SGCZ: variants seen among roughly 807,000 people sequenced by gnomAD.
SGCZ encodes zeta-sarcoglycan.
SGCZ carries 40 observed loss-of-function variants against 41.3 expected under a neutral mutation model. The ratio of observed to expected loss-of-function variants is 0.97; its 90% CI spans 0.75 to 1.26. SGCZ has a LOEUF of 1.26. SGCZ is among the 50% of genes most tolerant of loss of function. SGCZ has a pLI of 0.00. For synonymous variants in SGCZ, 206 were observed against 137.5 expected (o/e 1.50, Z -3.49); for missense variants, 552 against 369.8 (o/e 1.49, Z -4.04).
At chr8:14,215,377 A>T (rs1805958378) in intron 4 of SGCZ, among the ~76,000 whole-genome samples, 1 of 152,170 alleles carries the variant, frequency 6.6e-6, no homozygotes. Context: ...AAGCAGTGAT[A>T]ACAGACAAAC....
At chr8:14,819,303 T>C (rs4831651) in intron 1 of SGCZ, among the ~76,000 whole-genome samples, 38,680 of 152,002 alleles carry the variant, frequency 0.25, 5,976 homozygotes, top group East Asian at 0.58. Context: ...TTAACTTGTC[T>C]GGGAAGGTCT....
chr8:14,646,699 T>C (rs1315083173), intron 1 of SGCZ, among the ~76,000 whole-genome samples: 4 of 151,988 alleles, frequency 2.6e-5, no homozygotes, highest in African/African-American at 9.7e-5. Flanking sequence ...TAAAAGTTGG[T>C]CTTTGGAAAA....
intron 1 of SGCZ, among the ~76,000 whole-genome samples, chr8:14,681,184 C>G (rs1808435006): frequency 6.6e-6 from 1 of 151,968 alleles, no homozygotes; most frequent in South Asian, 2.1e-4. Flanking sequence ...TAAAATATAT[C>G]ACAATTTCTG....
At chr8:14,756,625 C>T (rs894259) in intron 1 of SGCZ, among the ~76,000 whole-genome samples, 1 of 152,154 alleles carries the variant, frequency 6.6e-6, no homozygotes, top group African/African-American at 2.4e-5. Flanking sequence ...ACATAACAGG[C>T]GTGCTTCTAA....
chr8:14,312,480 A>G (rs1317213079), intron 3 of SGCZ, among the ~76,000 whole-genome samples: 1 of 152,252 alleles, frequency 6.6e-6, no homozygotes, highest in African/African-American at 2.4e-5. Context: ...TATAAGAAAT[A>G]ATACTGTTGG....
intron 3 of SGCZ, among the ~76,000 whole-genome samples, chr8:14,321,696 C>A (rs1298940602): frequency 6.6e-6 from 1 of 152,088 alleles, no homozygotes; most frequent in Non-Finnish European, 1.5e-5. Context: ...CTCAGCTTCA[C>A]TGAATCTTCC....
chr8:14,725,997 G>A (rs1257213824), intron 1 of SGCZ, among the ~76,000 whole-genome samples: 4 of 151,690 alleles, frequency 2.6e-5, no homozygotes, highest in Non-Finnish European at 5.9e-5. Flanking sequence ...CCAGGCTCAC[G>A]CCTGTAATCC....
At position 15,170,369 on chromosome 8, in the gene SGCZ, A is replaced by AGC. The variant is rs1799791433; in HGVS notation, c.39+67215_39+67216insGC. On this transcript the variant is annotated intron_variant, in intron 1 of 7. Transcript: ENST00000382080. ...ACTTCCTCTTCCCCAAAGATATAAA[A>AGC]AAAAAAGGAAAAAGCACAATTTCCC... Among the ~76,000 whole-genome samples the AGC allele has an allele frequency of 3.9e-5, 6 of 152,196 alleles. No individual in the cohort carries two copies. The South Asian group carries it at 8.3e-4, about 21-fold the overall frequency.
intron 3 of SGCZ, among the ~76,000 whole-genome samples, chr8:14,322,203 G>C (rs567508220): frequency 2.9e-4 from 44 of 152,154 alleles, no homozygotes; most frequent in Admixed American, 1.2e-3. Flanking sequence ...TTCTGTTCTT[G>C]CACCAGATTT....
chr8:14,795,677 A>T (rs967777374), intron 1 of SGCZ, among the ~76,000 whole-genome samples: 18 of 152,118 alleles, frequency 1.2e-4, no homozygotes, highest in Non-Finnish European at 2.2e-4. Flanking sequence ...TTATTTTTTT[A>T]AACTTTCATT....
intron 1 of SGCZ, among the ~76,000 whole-genome samples, chr8:15,168,339 A>T (rs1403688595): frequency 2.0e-5 from 3 of 152,124 alleles, no homozygotes; most frequent in Admixed American, 6.5e-5. Context: ...ATGGGTAAAG[A>T]CCAAATTACT....
chr8:15,078,062 G>A (rs188897532), intron 1 of SGCZ, among the ~76,000 whole-genome samples: 52 of 151,600 alleles, frequency 3.4e-4, no homozygotes, highest in East Asian at 1.4e-3. Context: ...CATGCCTTAC[G>A]TGGGAGGAGG....
At chr8:14,387,296 C>A (rs1804609606) in intron 2 of SGCZ, among the ~76,000 whole-genome samples, 1 of 152,162 alleles carries the variant, frequency 6.6e-6, no homozygotes, top group African/African-American at 2.4e-5. Flanking sequence ...AAGAAATCCT[C>A]CCATCCTGGT....
intron 1 of SGCZ, among the ~76,000 whole-genome samples, chr8:14,728,700 G>C (rs2130226585): frequency 6.6e-6 from 1 of 152,176 alleles, no homozygotes; most frequent in South Asian, 2.1e-4. Flanking sequence ...AAAATCATTA[G>C]ATCAAATTTA....
intron 1 of SGCZ, among the ~76,000 whole-genome samples, chr8:14,898,807 C>T (rs931893237): frequency 2.0e-5 from 3 of 152,052 alleles, no homozygotes; most frequent in African/African-American, 7.2e-5. Flanking sequence ...TCAGTGAGTG[C>T]CACCTTCTGT....
intron 4 of SGCZ, among the ~76,000 whole-genome samples, chr8:14,228,124 T>A (rs1806436750): frequency 6.6e-6 from 1 of 152,082 alleles, no homozygotes; most frequent in South Asian, 2.1e-4. Flanking sequence ...AACCTTACAT[T>A]AGTGAACATT....
intron 4 of SGCZ, among the ~76,000 whole-genome samples, chr8:14,230,567 C>T (rs4442149): frequency 0.32 from 49,240 of 151,848 alleles, 8,321 homozygotes; most frequent in Non-Finnish European, 0.38. Flanking sequence ...GTGAAGTATA[C>T]GTCCTTCCTA....
At chr8:14,953,307 C>A (rs1413110811) in intron 1 of SGCZ, among the ~76,000 whole-genome samples, 1 of 152,108 alleles carries the variant, frequency 6.6e-6, no homozygotes. Flanking sequence ...GGGGGAAGCG[C>A]TACGTACATT....
intron 2 of SGCZ, among the ~76,000 whole-genome samples, chr8:14,398,702 G>C (rs1161310663): frequency 6.6e-6 from 1 of 152,118 alleles, no homozygotes; most frequent in African/African-American, 2.4e-5. Flanking sequence ...AATTCTTCCT[G>C]ATTTACAGAA....
Sources: gnomAD v4.1 joint callset for allele counts (sites outside exome capture counted in the v4.1 genomes callset) on GRCh38, gnomAD v4.1.1 for gene constraint, MANE v1.5 for transcripts, NCBI Gene and HGNC (gene_info 2026-07-23, HGNC 2026-07-21) for gene names.